Variants in CA10 observed in about 807,000 individuals in gnomAD.
CA10 encodes carbonic anhydrase-related protein 10.
CA10 carries 14 observed loss-of-function variants against 44.2 expected under a neutral mutation model. The observed-to-expected ratio is 0.32, with a 90% CI of 0.21 to 0.50. The LOEUF (loss-of-function observed/expected upper bound fraction) is 0.50. CA10 is among the 20% of genes least tolerant of loss of function. CA10 has a pLI of 0.99. For missense variants in CA10, 350 were observed against 409.7 expected, an observed-to-expected ratio of 0.85 and a Z score of 1.26; for synonymous variants, 159 against 141.6, an observed-to-expected ratio of 1.12 and a Z score of -0.87.
At chr17:52,148,573 C>G (rs1039259159) in intron 1 of CA10, among the ~76,000 whole-genome samples, 1 of 152,216 alleles carries the variant, frequency 6.6e-6, no homozygotes, top group African/African-American at 2.4e-5. Flanking sequence ...GCAGTAGAAG[C>G]AAGACAACAG....
At chr17:52,002,895 T>G (rs188871558) in intron 2 of CA10, among the ~76,000 whole-genome samples, 23 of 152,080 alleles carry the variant, frequency 1.5e-4, no homozygotes, top group African/African-American at 4.8e-4. Flanking sequence ...CCCACACAAT[T>G]AGCAAGCTCT....
At chr17:51,670,694 T>A (rs745928167) in intron 4 of CA10, among the ~76,000 whole-genome samples, 3 of 152,154 alleles carry the variant, frequency 2.0e-5, no homozygotes, top group Non-Finnish European at 4.4e-5. Flanking sequence ...ACACCACCAC[T>A]AGTGAATTCT....
At chr17:52,020,845 C>T (rs1450792072) in intron 2 of CA10, among the ~76,000 whole-genome samples, 1 of 151,962 alleles carries the variant, frequency 6.6e-6, no homozygotes, top group African/African-American at 2.4e-5. Context: ...CTATTGTTGC[C>T]ATCTTTATGC....
intron 3 of CA10, among the ~76,000 whole-genome samples, chr17:51,905,758 G>A (rs1175726424): frequency 1.3e-4 from 20 of 151,798 alleles, no homozygotes; most frequent in Admixed American, 1.3e-3. Context: ...GTCAACTCAC[G>A]CTCCCACATT....
chr17:51,874,432 T>C (rs958716587), intron 3 of CA10, among the ~76,000 whole-genome samples: 1 of 151,850 alleles, frequency 6.6e-6, no homozygotes, highest in African/African-American at 2.4e-5. Context: ...CAGCTCTCCT[T>C]TATCTGCTCT....
At chr17:52,107,739 A>G (rs1988691449) in intron 1 of CA10, among the ~76,000 whole-genome samples, 2 of 152,202 alleles carry the variant, frequency 1.3e-5, no homozygotes, top group Non-Finnish European at 2.9e-5. Flanking sequence ...CAGATCTGCA[A>G]TGTGATCGGC....
At chr17:51,889,072 T>G (rs1226083393) in intron 3 of CA10, among the ~76,000 whole-genome samples, 1 of 152,148 alleles carries the variant, frequency 6.6e-6, no homozygotes, top group Admixed American at 6.5e-5. Flanking sequence ...GGCTTTGTCT[T>G]CTTGGGCATG....
intron 2 of CA10, among the ~76,000 whole-genome samples, chr17:51,993,078 A>G (rs1254507100): frequency 6.6e-6 from 1 of 152,112 alleles, no homozygotes; most frequent in East Asian, 1.9e-4. Context: ...AAACAATAAG[A>G]AGTGCTTGGG....
At chr17:51,818,438 C>T (rs1290805410) in intron 3 of CA10, among the ~76,000 whole-genome samples, 2 of 152,168 alleles carry the variant, frequency 1.3e-5, no homozygotes, top group Non-Finnish European at 2.9e-5. Flanking sequence ...CCTTCCAACG[C>T]TGGCATTACA....
At chr17:51,841,593 T>C (rs1978320206) in intron 3 of CA10, among the ~76,000 whole-genome samples, 1 of 152,176 alleles carries the variant, frequency 6.6e-6, no homozygotes, top group Admixed American at 6.6e-5. Context: ...CTAGAGTTCA[T>C]TTCACTTCAA....
At chr17:51,741,842 AG>A (rs1904474182) in intron 4 of CA10, among the ~76,000 whole-genome samples, 1 of 152,218 alleles carries the variant, frequency 6.6e-6, no homozygotes, top group African/African-American at 2.4e-5. Context: ...CCATCAACAA[AG>A]GACTATGGTT....
At chr17:51,993,252 G>T (rs542032529) in intron 2 of CA10, among the ~76,000 whole-genome samples, 2 of 152,162 alleles carry the variant, frequency 1.3e-5, no homozygotes, top group Admixed American at 6.6e-5. Flanking sequence ...GATGAGTGAA[G>T]GCAGTTAATT....
intron 2 of CA10, among the ~76,000 whole-genome samples, chr17:52,013,504 G>A (rs2144139949): frequency 6.6e-6 from 1 of 152,028 alleles, no homozygotes; most frequent in Admixed American, 6.6e-5. Context: ...GAGGGCATTA[G>A]GGAATTGGAA....
intron 2 of CA10, among the ~76,000 whole-genome samples, chr17:52,060,720 C>A (rs997889361): frequency 6.6e-6 from 1 of 152,076 alleles, no homozygotes; most frequent in Non-Finnish European, 1.5e-5. Context: ...GCCTGTAGTT[C>A]ATTTTTTTCT....
At chr17:51,878,507 T>C (rs926555623) in intron 3 of CA10, among the ~76,000 whole-genome samples, 39 of 152,034 alleles carry the variant, frequency 2.6e-4, no homozygotes, top group African/African-American at 3.9e-4. Context: ...TTGTTCAAGA[T>C]TGAAATGTAT....
intron 3 of CA10, among the ~76,000 whole-genome samples, chr17:51,905,978 C>T (rs1030945134): frequency 2.0e-5 from 3 of 152,134 alleles, no homozygotes; most frequent in East Asian, 1.9e-4. Flanking sequence ...CCTTCACCTG[C>T]TGGTGGCCAG....
chr17:51,826,939 C>A (rs1305163949), intron 3 of CA10, among the ~76,000 whole-genome samples: 1 of 152,198 alleles, frequency 6.6e-6, no homozygotes, highest in East Asian at 1.9e-4. Context: ...CTACACCCTG[C>A]ACACACGTTT....
At chr17:51,678,421 G>C (rs1420448352) in intron 4 of CA10, among the ~76,000 whole-genome samples, 1 of 152,112 alleles carries the variant, frequency 6.6e-6, no homozygotes, top group African/African-American at 2.4e-5. Flanking sequence ...AGGATGAAAG[G>C]CTGAGCCTGA....
intron 1 of CA10, among the ~76,000 whole-genome samples, chr17:52,097,020 A>AC (rs1988418478): frequency 6.6e-6 from 1 of 152,174 alleles, no homozygotes; most frequent in African/African-American, 2.4e-5. Flanking sequence ...AGCTGGATCC[A>AC]CCCCACTTCT....
Sources: allele counts gnomAD v4.1 joint callset (sites outside exome capture counted in the v4.1 genomes callset), GRCh38; gene constraint gnomAD v4.1.1; transcripts MANE v1.5; gene names NCBI Gene and HGNC (gene_info 2026-07-23, HGNC 2026-07-21).